PLEK2: variants seen among roughly 807,000 people sequenced by gnomAD.
PLEK2 encodes the protein pleckstrin 2, also known as pleckstrin-2.
Under a neutral mutation model 43.8 loss-of-function variants are expected in PLEK2, and 29 were observed. That is an observed-to-expected ratio of 0.66 (90% confidence interval 0.49 to 0.90). The LOEUF (loss-of-function observed/expected upper bound fraction) is 0.90. Ranked by LOEUF, PLEK2 falls within the 40% of genes least tolerant of loss-of-function variation. PLEK2 has a pLI of 0.00. For synonymous variants in PLEK2, 162 were observed against 173.2 expected (o/e 0.94, Z 0.51); for missense variants, 398 against 448.1 (o/e 0.89, Z 1.01).
In PLEK2 at chr14:67,395,406, G is replaced by A. The variant is rs1261629766; in HGVS notation, c.385C>T (p.Leu129=). The A allele has an allele frequency of 6.2e-7, 1 of 1,613,630 alleles. No individual in the cohort carries two copies. The highest frequency in any genetic ancestry group is 8.5e-7 in the Non-Finnish European group (1 of 1,179,774). Residue 129 remains leucine, a synonymous_variant, in exon 3 of 9, where the codon CTG becomes TTG. Coordinates refer to ENST00000216446, the MANE Select transcript of PLEK2 (RefSeq NM_016445.3). ...CCCGGCAAGTGGGGCACTCACTGCA[G>A]GCTGATGTGCGGGGGCAGCTTGAAG... ...NSFKLPPHIS[L]HRIVDKMHDS...
Position 67,387,294 on chromosome 14 carries a change from TAGG to T in PLEK2, c.*32_*34del. The stretch of plus-strand genomic sequence containing the variant: ...AGGAACTCTTGTCTGTGTCATCTGG[TAGG>T]AGGGAGGAATCCTGGTTCCCTCAGG... On this transcript the variant is annotated 3_prime_UTR_variant, in exon 9 of 9. Coordinates refer to ENST00000216446, the MANE Select transcript of PLEK2 (RefSeq NM_016445.3). 1 of 1,590,140 alleles carries T rather than the reference TAGG, an allele frequency of 6.3e-7. No individual in the cohort carries two copies. The highest frequency in any genetic ancestry group is 8.5e-7 in the Non-Finnish European group (1 of 1,171,182).
At chr14:67,397,008 G>A (rs2086015654) in intron 2 of PLEK2, among the ~76,000 whole-genome samples, 1 of 149,774 alleles carries the variant, frequency 6.7e-6, no homozygotes, top group Non-Finnish European at 1.5e-5. Context: ...GCGTGATCTC[G>A]GCTCACTGCA....
intron 6 of PLEK2, among the ~76,000 whole-genome samples, chr14:67,391,083 G>A (rs2085962940): frequency 6.6e-6 from 1 of 152,092 alleles, no homozygotes; most frequent in Non-Finnish European, 1.5e-5. Context: ...GAGCACACAG[G>A]CAAACTTGAA....
intron 3 of PLEK2, among the ~76,000 whole-genome samples, chr14:67,393,498 G>C (rs188691612): frequency 8.9e-4 from 136 of 152,256 alleles, no homozygotes; most frequent in African/African-American, 3.1e-3. Context: ...CCGTCACCCA[G>C]GCTGGAGTGC....
intron 6 of PLEK2, among the ~76,000 whole-genome samples, chr14:67,391,095 C>T (rs1469257227): frequency 2.0e-5 from 3 of 152,076 alleles, no homozygotes; most frequent in African/African-American, 7.2e-5. Context: ...AAACTTGAAC[C>T]CAAGGGCACC....
chr14:67,388,933 C>A (rs1595654234), intron 7 of PLEK2, among the ~76,000 whole-genome samples: 1 of 152,110 alleles, frequency 6.6e-6, no homozygotes, highest in Non-Finnish European at 1.5e-5. Flanking sequence ...CCCTCCTCAG[C>A]CTCCCAAAGT....
At chr14:67,399,350 A>C (rs979827938) in intron 1 of PLEK2, among the ~76,000 whole-genome samples, 4 of 145,096 alleles carry the variant, frequency 2.8e-5, no homozygotes, top group East Asian at 4.3e-4. Context: ...AGAGAAGGGT[A>C]GTTTAGGTGG....
In PLEK2 at chr14:67,409,717, C is replaced by T. The variant is rs569831010; in HGVS notation, c.42+2301G>A. 5.3e-5 allele frequency among the ~76,000 whole-genome samples: 8 copies of T among 152,296 alleles called. No individual in the cohort carries two copies. The South Asian group carries it at 1.5e-3, about 28-fold the overall frequency. On this transcript the variant is annotated intron_variant, in intron 1 of 8. Coordinates refer to ENST00000216446, the MANE Select transcript of PLEK2 (RefSeq NM_016445.3). ...TCATGTCCCTGCCTGTCTCTGGCTT[C>T]GCTTTCACCGGTGATGACTGCTCTG... is the stretch of plus-strand genomic sequence containing the variant.
chr14:67,391,067 G>A (rs908237313), intron 6 of PLEK2, among the ~76,000 whole-genome samples: 1 of 152,068 alleles, frequency 6.6e-6, no homozygotes, highest in African/African-American at 2.4e-5. Flanking sequence ...GTGTCAGCTG[G>A]GCTGGGAGCA....
intron 1 of PLEK2, among the ~76,000 whole-genome samples, chr14:67,399,775 A>G (rs1021485234): frequency 5.3e-5 from 8 of 151,870 alleles, no homozygotes; most frequent in South Asian, 2.1e-4. Flanking sequence ...GTGGCTCTCA[A>G]GTGGGTGGTA....
At chr14:67,402,992 T>G (rs932637291) in intron 1 of PLEK2, among the ~76,000 whole-genome samples, 2 of 152,232 alleles carry the variant, frequency 1.3e-5, no homozygotes, top group Non-Finnish European at 2.9e-5. Flanking sequence ...TTGAGGAGCC[T>G]CTAAATTGTT....
chr14:67,401,880 T>C (rs894534067), intron 1 of PLEK2, among the ~76,000 whole-genome samples: 1 of 152,114 alleles, frequency 6.6e-6, no homozygotes, highest in Non-Finnish European at 1.5e-5. Context: ...TTCCAACATT[T>C]TGGGAGGCCG....
chr14:67,388,871 G>C (rs2085946781), intron 7 of PLEK2, among the ~76,000 whole-genome samples: 1 of 151,854 alleles, frequency 6.6e-6, no homozygotes, highest in African/African-American at 2.4e-5. Flanking sequence ...TAGAGGCAGG[G>C]GTTCATCACC....
At chr14:67,406,970 C>T (rs1378108348) in intron 1 of PLEK2, among the ~76,000 whole-genome samples, 1 of 152,080 alleles carries the variant, frequency 6.6e-6, no homozygotes, top group Non-Finnish European at 1.5e-5. Context: ...CAGAGGCCAG[C>T]TGAAGCAGGG....
chr14:67,392,081 G>A (rs1240374436), intron 6 of PLEK2, among the ~76,000 whole-genome samples: 2 of 152,054 alleles, frequency 1.3e-5, no homozygotes, highest in Non-Finnish European at 2.9e-5. Flanking sequence ...TGTGATAATT[G>A]TGTGTGTGTG....
chr14:67,398,472 AC>A (rs2086026298), intron 1 of PLEK2, among the ~76,000 whole-genome samples: 2 of 151,244 alleles, frequency 1.3e-5, no homozygotes. Flanking sequence ...CACCTAAACT[AC>A]CCTTCTCTTT....
In PLEK2 at chr14:67,412,073, C is replaced by A. The variant is rs1204812829; in HGVS notation, c.-14G>T. On this transcript the variant is annotated 5_prime_UTR_variant, in exon 1 of 9. Transcript: ENST00000216446. ...GCCGTCCTCCATGTCGCCGCCCGCA[C>A]GCCAGGGCCACCCCAGGTGCGCCTT... The A allele has an allele frequency of 1.3e-6, 2 of 1,536,270 alleles. No individual in the cohort carries two copies. The highest frequency in any genetic ancestry group is 4.0e-5 in the Admixed American group (2 of 50,310).
intron 6 of PLEK2, 92 bp downstream of exon 6, chr14:67,392,234 C>A: frequency 1.1e-6 from 1 of 870,842 alleles, no homozygotes. Context: ...TGCCCTCCAG[C>A]AGCCTCAGCC....
chr14:67,408,354 T>TAAAATAAAATA lies in PLEK2; in HGVS notation c.42+3663_42+3664insTATTTTATTTT, dbSNP rs550821518. Among the ~76,000 whole-genome samples the TAAAATAAAATA allele has an allele frequency of 2.4e-4, 33 of 134,858 alleles. No homozygotes were observed. In the East Asian group the frequency reaches 3.2e-3, roughly 13 times the overall value. 88.5% of individuals were successfully genotyped at this position (134,858 alleles called of 152,430 possible). On this transcript the variant is annotated intron_variant, in intron 1 of 8. Coordinates refer to ENST00000216446, the MANE Select transcript of PLEK2 (RefSeq NM_016445.3). ...TAAAATAAAATAAAATAAAATAAAATAAAAAAAGAAAAAACAAAGATGGGA... is the reference window on the plus strand; with the variant it reads ...TAAAATAAAATAAAATAAAATAAAATAAAATAAAATAAAAAAAAGAAAAAACAAAGATGGGA...
Sources: allele counts gnomAD v4.1 joint callset (sites outside exome capture counted in the v4.1 genomes callset), GRCh38; gene constraint gnomAD v4.1.1; transcripts MANE v1.5; gene names NCBI Gene and HGNC (gene_info 2026-07-23, HGNC 2026-07-21).